The following CPA6 variants were observed in gnomAD, a reference collection of about 807,000 sequenced individuals.
CPA6 encodes the protein carboxypeptidase B.
CPA6 carries 58 observed loss-of-function variants against 63.3 expected under a neutral mutation model. The ratio of observed to expected loss-of-function variants is 0.92; its 90% CI spans 0.74 to 1.14. The LOEUF (loss-of-function observed/expected upper bound fraction) is 1.14, where lower values mean the gene tolerates loss of function less well. Ranked by LOEUF, CPA6 falls within the 50% of genes most tolerant of loss-of-function variation. The pLI, the probability that CPA6 is intolerant of heterozygous loss-of-function variation, is 0.00. For missense variants in CPA6, 565 were observed against 526.6 expected, an observed-to-expected ratio of 1.07 and a Z score of -0.71; for synonymous variants, 185 against 179.0, an observed-to-expected ratio of 1.03 and a Z score of -0.27.
chr8:67,451,428 A>G (rs1175525769), intron 8 of CPA6, among the ~76,000 whole-genome samples: 2 of 151,938 alleles, frequency 1.3e-5, no homozygotes, highest in African/African-American at 2.4e-5. Flanking sequence ...GTCTCCCATC[A>G]CCCCTAGATG....
chr8:67,712,079 C>T (rs562223184), intron 1 of CPA6, among the ~76,000 whole-genome samples: 6 of 152,238 alleles, frequency 3.9e-5, no homozygotes, highest in East Asian at 1.9e-4. Context: ...CTGATATGTG[C>T]GCTTGTGCCA....
intron 8 of CPA6, among the ~76,000 whole-genome samples, chr8:67,463,773 T>G (rs1250154338): frequency 6.6e-6 from 1 of 152,176 alleles, no homozygotes; most frequent in African/African-American, 2.4e-5. Flanking sequence ...GAACATGTGG[T>G]ATTTGGGTTT....
At chr8:67,575,549 C>T (rs1036388375) in intron 2 of CPA6, among the ~76,000 whole-genome samples, 13 of 152,104 alleles carry the variant, frequency 8.5e-5, no homozygotes, top group Admixed American at 6.6e-4. Flanking sequence ...CTAACCTACT[C>T]AGCTTTAAAA....
intron 1 of CPA6, among the ~76,000 whole-genome samples, chr8:67,708,293 GCAAA>G (rs1249315449): frequency 6.6e-6 from 1 of 152,140 alleles, no homozygotes; most frequent in East Asian, 1.9e-4. Flanking sequence ...AGTTTATTCT[GCAAA>G]CAAATGAGTC....
intron 9 of CPA6, chr8:67,429,682 C>G: frequency 6.6e-6 from 1 of 152,168 alleles, no homozygotes. Flanking sequence ...AAGATTTTAA[C>G]ATCTTCTCCA....
At chr8:67,488,537 C>G (rs983762123) in intron 6 of CPA6, among the ~76,000 whole-genome samples, 10 of 152,156 alleles carry the variant, frequency 6.6e-5, no homozygotes, top group African/African-American at 2.2e-4. Flanking sequence ...GCAACGTGGG[C>G]TCTTTTTTGG....
chr8:67,436,933 C>T (rs901779882), intron 8 of CPA6, among the ~76,000 whole-genome samples: 1 of 152,074 alleles, frequency 6.6e-6, no homozygotes, highest in African/African-American at 2.4e-5. Context: ...AAAAGACAGC[C>T]CAGTCAAATT....
intron 1 of CPA6, among the ~76,000 whole-genome samples, chr8:67,704,413 G>A (rs1817089806): frequency 6.6e-6 from 1 of 152,238 alleles, no homozygotes; most frequent in Non-Finnish European, 1.5e-5. Flanking sequence ...TAAGAAAAGA[G>A]AGAATCATTT....
chr8:67,503,467 A>AT (rs1811868609), intron 6 of CPA6, among the ~76,000 whole-genome samples: 1 of 139,480 alleles, frequency 7.2e-6, no homozygotes, highest in Non-Finnish European at 1.5e-5. Context: ...CAGCTAATTA[A>AT]ATTTTTTTTT....
At chr8:67,565,391 G>A (rs186697628) in intron 2 of CPA6, among the ~76,000 whole-genome samples, 1 of 152,270 alleles carries the variant, frequency 6.6e-6, no homozygotes, top group East Asian at 1.9e-4. Flanking sequence ...AGATCTGGCA[G>A]AGCATGGTTA....
At chr8:67,672,202 A>G (rs1347715268) in intron 1 of CPA6, among the ~76,000 whole-genome samples, 4 of 152,202 alleles carry the variant, frequency 2.6e-5, no homozygotes, top group Non-Finnish European at 4.4e-5. Context: ...GTATTTCAGT[A>G]TATTGTAAAT....
chr8:67,599,106 T>C (rs1316717930), intron 2 of CPA6, among the ~76,000 whole-genome samples: 1 of 152,190 alleles, frequency 6.6e-6, no homozygotes, highest in Non-Finnish European at 1.5e-5. Context: ...TGACATGATG[T>C]CAAAATGTAA....
At chr8:67,432,508 G>T (rs1181696826) in intron 9 of CPA6, among the ~76,000 whole-genome samples, 1 of 152,140 alleles carries the variant, frequency 6.6e-6, no homozygotes, top group Non-Finnish European at 1.5e-5. Flanking sequence ...CTCCCTGGCT[G>T]CAGGGCAGTG....
At chr8:67,574,135 T>C (rs1813561431) in intron 2 of CPA6, among the ~76,000 whole-genome samples, 2 of 151,942 alleles carry the variant, frequency 1.3e-5, no homozygotes, top group African/African-American at 4.8e-5. Flanking sequence ...CTCAGCATTT[T>C]GGGAGGCCAA....
intron 1 of CPA6, among the ~76,000 whole-genome samples, chr8:67,628,041 C>T (rs937675448): frequency 6.6e-6 from 1 of 151,944 alleles, no homozygotes; most frequent in Non-Finnish European, 1.5e-5. Flanking sequence ...GGTGAAAACC[C>T]ATCTCTACTA....
At chr8:67,695,354 T>G (rs918343821) in intron 1 of CPA6, among the ~76,000 whole-genome samples, 3 of 152,168 alleles carry the variant, frequency 2.0e-5, no homozygotes, top group Non-Finnish European at 4.4e-5. Context: ...GTCCCCAATA[T>G]GGCATCATTC....
At chr8:67,626,337 C>G (rs1815193656) in intron 1 of CPA6, among the ~76,000 whole-genome samples, 1 of 152,086 alleles carries the variant, frequency 6.6e-6, no homozygotes, top group Admixed American at 6.6e-5. Context: ...GTGTTTATTT[C>G]CAATCATGAT....
intron 1 of CPA6, among the ~76,000 whole-genome samples, chr8:67,732,107 G>T (rs1308622949): frequency 6.6e-6 from 1 of 152,152 alleles, no homozygotes; most frequent in Non-Finnish European, 1.5e-5. Context: ...TCACTTTTAA[G>T]AGCCTATATA....
chr8:67,660,976 G>A (rs1001130756), intron 1 of CPA6, among the ~76,000 whole-genome samples: 5 of 152,122 alleles, frequency 3.3e-5, no homozygotes, highest in Admixed American at 6.5e-5. Flanking sequence ...AGCTTTTTGT[G>A]TAACTATATG....
Sources: gnomAD v4.1 joint callset for allele counts (sites outside exome capture counted in the v4.1 genomes callset) on GRCh38, gnomAD v4.1.1 for gene constraint, MANE v1.5 for transcripts, NCBI Gene and HGNC (gene_info 2026-07-23, HGNC 2026-07-21) for gene names.